The following RRM2 variants were observed in gnomAD, a reference collection of about 807,000 sequenced individuals.
RRM2 encodes ribonucleotide reductase regulatory subunit M2.
Under a neutral mutation model 45.9 loss-of-function variants are expected in RRM2, and 6 were observed. The observed-to-expected ratio is 0.13, with a 90% CI of 0.07 to 0.26. The LOEUF is 0.26. Among genes scored for constraint, RRM2 ranks in the 10% least tolerant of loss-of-function variants. The pLI is 1.00. For missense variants in RRM2, 343 were observed against 489.5 expected (o/e 0.70, Z 2.82); for synonymous variants, 177 against 173.0 (o/e 1.02, Z -0.18).
upstream of RRM2, among the ~76,000 whole-genome samples, chr2:10,141,221 T>G (rs188857549): frequency 6.6e-6 from 1 of 152,148 alleles, no homozygotes; most frequent in Non-Finnish European, 1.5e-5. Flanking sequence ...TGGAGCCCGA[T>G]GGACCCAGCC....
intron 3 of RRM2, among the ~76,000 whole-genome samples, chr2:10,202,496 T>C (rs1209776619): frequency 6.6e-6 from 1 of 152,208 alleles, no homozygotes; most frequent in African/African-American, 2.4e-5. Flanking sequence ...TCAGGGGCAC[T>C]CTCTCTTATA....
chr2:10,190,396 G>GCAA (rs1664269951), intron 3 of RRM2, among the ~76,000 whole-genome samples: 1 of 148,148 alleles, frequency 6.8e-6, no homozygotes. Flanking sequence ...GGTGATGGTG[G>GCAA]TGGTGATGGT....
At position 10,130,809 on chromosome 2, in the gene RRM2, T is replaced by G. The variant is rs1341447993; in HGVS notation, c.*1423T>G. 1.3e-5 allele frequency: 2 copies of G among 152,114 alleles called. No homozygotes were observed. The highest frequency in any genetic ancestry group is 2.9e-5 in the Non-Finnish European group (2 of 68,036). The allele number at this position is 152,114 out of a possible 1,614,324, so 9.4% of individuals were successfully genotyped here. A position where few individuals can be genotyped will look rare whatever the true frequency, so the allele number is the denominator to read the frequency against. ...CACACCTGGCTAATTTTTGTATTTTTAGTAGAGATGGAGTTTCACCATATT... is the reference window on the plus strand; with the variant it reads ...CACACCTGGCTAATTTTTGTATTTTGAGTAGAGATGGAGTTTCACCATATT... On this transcript the variant is annotated 3_prime_UTR_variant, in exon 10 of 10. Coordinates refer to ENST00000304567, the MANE Select transcript of RRM2 (RefSeq NM_001034.4).
chr2:10,200,104 A>T (rs1664515719), intron 3 of RRM2, among the ~76,000 whole-genome samples: 1 of 152,184 alleles, frequency 6.6e-6, no homozygotes, highest in South Asian at 2.1e-4. Flanking sequence ...AAGTGCTGGG[A>T]TTACAGAAGT....
At chr2:10,166,042 C>T (rs377464696) in intron 3 of RRM2, among the ~76,000 whole-genome samples, 1 of 152,212 alleles carries the variant, frequency 6.6e-6, no homozygotes, top group African/African-American at 2.4e-5. Context: ...CTGGTGACAG[C>T]TTGCTGGGTC....
chr2:10,209,618 T>C (rs1204849270), intron 3 of RRM2, among the ~76,000 whole-genome samples: 6 of 2,640 alleles, frequency 2.3e-3, no homozygotes, highest in African/African-American at 2.6e-3. Flanking sequence ...CGTGCATGCG[T>C]GTGTGTGTGT....
intron 3 of RRM2, among the ~76,000 whole-genome samples, chr2:10,187,433 A>G (rs1664192688): frequency 6.6e-6 from 1 of 152,236 alleles, no homozygotes; most frequent in Non-Finnish European, 1.5e-5. Flanking sequence ...TGGAAGGAGA[A>G]GGTGGCCCGG....
chr2:10,123,260 A>T (rs1159004019), intron 2 of RRM2, 127 bp from the exon 3 acceptor site: 6 of 1,330,548 alleles, frequency 4.5e-6, no homozygotes, highest in Non-Finnish European at 6.0e-6. Flanking sequence ...ACGGAGTGCG[A>T]CGGGACAGCC....
intron 3 of RRM2, among the ~76,000 whole-genome samples, chr2:10,152,341 T>C (rs886964599): frequency 3.3e-5 from 5 of 152,180 alleles, no homozygotes; most frequent in Non-Finnish European, 5.9e-5. Context: ...ATATGACTTG[T>C]AAATATTTTC....
At chr2:10,157,203 T>C (rs908426224) in intron 3 of RRM2, among the ~76,000 whole-genome samples, 1 of 152,074 alleles carries the variant, frequency 6.6e-6, no homozygotes, top group Non-Finnish European at 1.5e-5. Context: ...TAATTTTTTG[T>C]ATTTTTAGTA....
chr2:10,132,293 C>G (rs1662916835), downstream of RRM2, among the ~76,000 whole-genome samples: 2 of 152,180 alleles, frequency 1.3e-5, no homozygotes, highest in Admixed American at 1.3e-4. Flanking sequence ...CCCTCTGGAG[C>G]TTGGGTTTAC....
intron 3 of RRM2, among the ~76,000 whole-genome samples, chr2:10,177,700 T>TCCCTCCC (rs796379121): frequency 1.1e-4 from 16 of 149,276 alleles, no homozygotes; most frequent in African/African-American, 3.8e-4. Flanking sequence ...CCTTCCTTCC[T>TCCCTCCC]TCCTTCCTCT....
At chr2:10,180,656 C>A (rs563486947) in intron 3 of RRM2, among the ~76,000 whole-genome samples, 114 of 152,346 alleles carry the variant, frequency 7.5e-4, no homozygotes, top group African/African-American at 2.4e-3. Context: ...TTCTATGAAG[C>A]CCTCTCCATC....
At chr2:10,164,956 G>GT (rs900839633) in intron 3 of RRM2, among the ~76,000 whole-genome samples, 5 of 152,216 alleles carry the variant, frequency 3.3e-5, no homozygotes, top group African/African-American at 1.2e-4. Context: ...TGAATAAAGT[G>GT]TTTTGAATTC....
chr2:10,151,841 A>G (rs1468931777), intron 3 of RRM2, among the ~76,000 whole-genome samples: 1 of 152,178 alleles, frequency 6.6e-6, no homozygotes, highest in Non-Finnish European at 1.5e-5. Context: ...TTTCATGTAC[A>G]TTTCACCAAT....
intron 3 of RRM2, among the ~76,000 whole-genome samples, chr2:10,207,984 T>A (rs1305839176): frequency 6.6e-6 from 1 of 152,150 alleles, no homozygotes; most frequent in African/African-American, 2.4e-5. Context: ...ACCCTAGAAT[T>A]TCCCTTATTT....
chr2:10,123,107 TG>T (rs769199716), intron 2 of RRM2, 50 bp downstream of exon 2: 473 of 1,508,152 alleles, frequency 3.1e-4, no homozygotes, highest in Non-Finnish European at 3.8e-4. Flanking sequence ...TTGGGCGTCT[TG>T]GCGCCAAAGC....
intron 3 of RRM2, among the ~76,000 whole-genome samples, chr2:10,161,954 A>G (rs1412677586): frequency 6.6e-6 from 1 of 152,228 alleles, no homozygotes; most frequent in Non-Finnish European, 1.5e-5. Context: ...GAAAACCGGG[A>G]GAGGGGAGAG....
chr2:10,171,263 G>A lies in RRM2; in HGVS notation n.482+28888G>A, dbSNP rs1663801675. On this transcript the variant is annotated intron_variant and non_coding_transcript_variant, in intron 3 of 3. Coordinates refer to the RRM2 transcript ENST00000381786. This position sits in a 1 kb window ranked among gnomAD's most constrained non-coding sequence, Gnocchi z 4.1. ...GCTCTGCCCCCTGGGCTGTCAGGAG[G>A]ATTAAATGAGATAAGACAAACACAG... 1.3e-5 allele frequency among the ~76,000 whole-genome samples: 2 copies of A among 152,246 alleles called. No homozygotes were observed. Among genetic ancestry groups the A allele is most frequent in the Non-Finnish European group, 2.9e-5 (2 of 68,046 alleles).
Sources: gnomAD v4.1 joint callset for allele counts (sites outside exome capture counted in the v4.1 genomes callset) on GRCh38, gnomAD v4.1.1 for gene constraint, Gnocchi (gnomAD v3.1) non-coding constraint, MANE v1.5 for transcripts, NCBI Gene and HGNC (gene_info 2026-07-23, HGNC 2026-07-21) for gene names.